The following FAM13A variants were observed in gnomAD, a reference collection of about 807,000 sequenced individuals.
FAM13A encodes the protein family with sequence similarity 13 member A, also known as protein FAM13A.
In FAM13A, 76 loss-of-function variants were observed where a neutral mutation model predicts 129.6. The observed-to-expected ratio is 0.59, with a 90% CI of 0.49 to 0.71. The LOEUF is 0.71. Ranked by LOEUF, FAM13A falls within the 30% of genes least tolerant of loss-of-function variation. The pLI is 0.00. For missense variants in FAM13A, 1,108 were observed against 1,249.3 expected (o/e 0.89, Z 1.70); for synonymous variants, 443 against 449.9 (o/e 0.98, Z 0.20).
At chr4:88,732,862 A>G (rs1376694846) in intron 21 of FAM13A, among the ~76,000 whole-genome samples, 2 of 151,786 alleles carry the variant, frequency 1.3e-5, no homozygotes, top group African/African-American at 2.4e-5. Flanking sequence ...TAAGAAAAGT[A>G]TGATATTCTC....
At chr4:88,876,275 G>A (rs556242174) in intron 6 of FAM13A, among the ~76,000 whole-genome samples, 9 of 151,844 alleles carry the variant, frequency 5.9e-5, no homozygotes, top group African/African-American at 1.7e-4. Flanking sequence ...ATGTACCCTA[G>A]AACTTAAAAG....
At position 88,834,210 on chromosome 4, in the gene FAM13A, C is replaced by CAA. The variant is rs200267316; in HGVS notation, c.1007+16808_1007+16809dup. ...TATAGGCGTGAGCCGCCATGCCTGGCAAAAAAAAAAAAAATCCATTTCAGA... is the reference window on the plus strand; with the variant it reads ...TATAGGCGTGAGCCGCCATGCCTGGCAAAAAAAAAAAAAAAATCCATTTCAGA... On this transcript the variant is annotated intron_variant, in intron 7 of 23. Coordinates refer to ENST00000264344, the MANE Select transcript of FAM13A (RefSeq NM_014883.4). 4.5e-3 allele frequency among the ~76,000 whole-genome samples: 592 copies of CAA among 132,156 alleles called. 1 individual carries two copies. The highest frequency in any genetic ancestry group is 0.015 in the East Asian group (66 of 4,508). The allele number at this position is 132,156 out of a possible 152,430, so 86.7% of individuals were successfully genotyped here. A position where few individuals can be genotyped will look rare whatever the true frequency, so the allele number is the denominator to read the frequency against.
intron 6 of FAM13A, among the ~76,000 whole-genome samples, chr4:88,887,904 A>T (rs1193842538): frequency 6.6e-6 from 1 of 152,000 alleles, no homozygotes; most frequent in Non-Finnish European, 1.5e-5. Context: ...TTATTCTTTA[A>T]ATTTGTTTTA....
At chr4:88,908,905 A>G (rs778742718) in intron 5 of FAM13A, among the ~76,000 whole-genome samples, 2 of 152,204 alleles carry the variant, frequency 1.3e-5, no homozygotes, top group Non-Finnish European at 1.5e-5. Flanking sequence ...GGACACAGGT[A>G]ACACCTTCCT....
chr4:89,000,696 A>T (rs1367442418), intron 3 of FAM13A, among the ~76,000 whole-genome samples: 1 of 152,210 alleles, frequency 6.6e-6, no homozygotes, highest in Non-Finnish European at 1.5e-5. Flanking sequence ...TATACCAATA[A>T]AGCTGTTATA....
At chr4:88,733,014 T>C (rs3017914) in intron 21 of FAM13A, among the ~76,000 whole-genome samples, 22,852 of 151,958 alleles carry the variant, frequency 0.15, 2,036 homozygotes, top group South Asian at 0.31. Context: ...TGCCAAAAGG[T>C]AGTCAGACCA....
At chr4:88,878,550 T>C (rs1488080999) in intron 6 of FAM13A, among the ~76,000 whole-genome samples, 1 of 152,124 alleles carries the variant, frequency 6.6e-6, no homozygotes, top group Non-Finnish European at 1.5e-5. Context: ...AAAACTATAT[T>C]CTACAAATAG....
chr4:89,002,123 G>A (rs1764329508), intron 3 of FAM13A, among the ~76,000 whole-genome samples: 2 of 146,696 alleles, frequency 1.4e-5, no homozygotes, highest in South Asian at 4.3e-4. Flanking sequence ...TCTTCCCAAG[G>A]CTCCACTGAA....
At chr4:88,918,142 A>C (rs1239156184) in intron 5 of FAM13A, among the ~76,000 whole-genome samples, 1 of 152,226 alleles carries the variant, frequency 6.6e-6, no homozygotes, top group Non-Finnish European at 1.5e-5. Context: ...TTTTCAACTA[A>C]AGAAAGTACT....
chr4:89,018,984 T>TGTG (rs1311814831), intron 3 of FAM13A, among the ~76,000 whole-genome samples: 1 of 152,202 alleles, frequency 6.6e-6, no homozygotes, highest in African/African-American at 2.4e-5. Flanking sequence ...CCAAAAGGAT[T>TGTG]GCCTGGAGGT....
chr4:89,045,100 A>T (rs1205909571), intron 1 of FAM13A, among the ~76,000 whole-genome samples: 1 of 152,162 alleles, frequency 6.6e-6, no homozygotes, highest in Non-Finnish European at 1.5e-5. Context: ...TTATCACAAT[A>T]AAAAAAGTTA....
At position 88,851,135 on chromosome 4, in the gene FAM13A, G is replaced by A. The variant is rs184312122; in HGVS notation, c.892C>T (p.Gln298Ter). ...GGAATGCCATCAGATAGCTCTGGTT[G>A]CAGTACTCTGTGGGCCTGAATAGAT... is the stretch of plus-strand genomic sequence containing the variant. ...EGSIQAHRVL[Q>*]PELSDGIPQL... Residue 298 changes from glutamine (Q) to a stop codon, truncating the protein, a stop_gained, in exon 7 of 24, where the codon CAA becomes TAA. Coordinates refer to ENST00000264344, the MANE Select transcript of FAM13A (RefSeq NM_014883.4). LOFTEE classifies it high-confidence loss of function. 3.7e-6 allele frequency: 6 copies of A among 1,613,672 alleles called. No homozygotes were observed. The highest frequency in any genetic ancestry group is 8.5e-7 in the Non-Finnish European group (1 of 1,179,920).
chr4:89,037,286 G>A (rs1769513732), intron 1 of FAM13A, among the ~76,000 whole-genome samples: 1 of 152,252 alleles, frequency 6.6e-6, no homozygotes, highest in South Asian at 2.1e-4. Flanking sequence ...GGGTGGCCTG[G>A]ATGTGAAACA....
rs899959093 is a variant in FAM13A, at chr4:88,753,700, A to C, written c.1727-3063T>G. 12 of 617,598 alleles carry C rather than the reference A, an allele frequency of 1.9e-5. No individual in the cohort carries two copies. In the African/African-American group the frequency reaches 2.4e-4, roughly 12 times the overall value. The allele number at this position is 617,598 out of a possible 1,614,324, so 38.3% of individuals were successfully genotyped here. A position where few individuals can be genotyped will look rare whatever the true frequency, so the allele number is the denominator to read the frequency against. ...TTCTATTCAAAAGAGTTATAAAATG[A>C]CATGTAATACACAGTTCAGTATAAC... is the stretch of plus-strand genomic sequence containing the variant. On this transcript the variant is annotated intron_variant, in intron 14 of 23. Transcript: ENST00000264344.
intron 7 of FAM13A, among the ~76,000 whole-genome samples, chr4:88,822,704 G>T (rs1249573444): frequency 6.6e-6 from 1 of 152,140 alleles, no homozygotes. Context: ...TTTTTCTTCA[G>T]ATTTCAAAGG....
At chr4:89,009,242 A>T (rs1259652349) in intron 3 of FAM13A, among the ~76,000 whole-genome samples, 2 of 152,214 alleles carry the variant, frequency 1.3e-5, no homozygotes, top group Non-Finnish European at 2.9e-5. Flanking sequence ...ATGTGGCCTG[A>T]GTCACGTAGC....
At chr4:88,888,967 T>C (rs976307189) in intron 6 of FAM13A, among the ~76,000 whole-genome samples, 1 of 145,852 alleles carries the variant, frequency 6.9e-6, no homozygotes. Flanking sequence ...ATTCCTCGAG[T>C]CACCAGACTT....
intron 4 of FAM13A, among the ~76,000 whole-genome samples, chr4:88,962,963 TG>T (rs11347214): frequency 0.52 from 79,673 of 152,004 alleles, 20,904 homozygotes; most frequent in African/African-American, 0.6. Flanking sequence ...ATTTCCTATA[TG>T]TAAAAATGCA....
intron 5 of FAM13A, among the ~76,000 whole-genome samples, chr4:88,921,752 T>G (rs530246223): frequency 6.6e-6 from 1 of 152,092 alleles, no homozygotes. Context: ...AGACACAGAC[T>G]GGCAAATTGG....
Sources: gnomAD v4.1 joint callset for allele counts (sites outside exome capture counted in the v4.1 genomes callset) on GRCh38, gnomAD v4.1.1 for gene constraint, MANE v1.5 for transcripts, NCBI Gene and HGNC (gene_info 2026-07-23, HGNC 2026-07-21) for gene names.